Variants in PTPRN2 observed in about 807,000 individuals in gnomAD.
The protein encoded by PTPRN2 is protein tyrosine phosphatase receptor type N2.
A neutral mutation model predicts 118.8 loss-of-function variants in PTPRN2; 74 were observed. That is an observed-to-expected ratio of 0.62 (90% CI 0.52 to 0.76). PTPRN2 has a LOEUF of 0.76. Ranked by LOEUF, PTPRN2 falls within the 30% of genes least tolerant of loss-of-function variation. The pLI is 0.00. For missense variants in PTPRN2, 1,481 were observed against 1,394.4 expected, an observed-to-expected ratio of 1.06 and a Z score of -0.99; for synonymous variants, 641 against 608.0, an observed-to-expected ratio of 1.05 and a Z score of -0.80.
chr7:158,573,564 C>T (rs571842261), intron 1 of PTPRN2, among the ~76,000 whole-genome samples: 13 of 152,120 alleles, frequency 8.5e-5, no homozygotes, highest in Non-Finnish European at 1.6e-4. Flanking sequence ...CAACCAAGAG[C>T]TCGGGTCTCT....
intron 12 of PTPRN2, among the ~76,000 whole-genome samples, chr7:157,707,811 G>T (rs528055991): frequency 8.1e-4 from 123 of 152,352 alleles, no homozygotes; most frequent in African/African-American, 2.9e-3. Context: ...TGTTAGCCAG[G>T]ATGGTCTTGA....
chr7:158,133,052 C>T (rs1428480146), intron 9 of PTPRN2, among the ~76,000 whole-genome samples: 3 of 152,202 alleles, frequency 2.0e-5, no homozygotes, highest in South Asian at 2.1e-4. Context: ...TTGCTGGGCC[C>T]GTGATGTCTG....
At chr7:158,169,089 C>A (rs1823289158) in intron 5 of PTPRN2, among the ~76,000 whole-genome samples, 1 of 152,164 alleles carries the variant, frequency 6.6e-6, no homozygotes, top group Non-Finnish European at 1.5e-5. Context: ...TCGGCACTAG[C>A]TAAGGGTGTG....
chr7:158,168,779 A>C (rs1823260953), intron 5 of PTPRN2, among the ~76,000 whole-genome samples: 1 of 152,210 alleles, frequency 6.6e-6, no homozygotes, highest in East Asian at 1.9e-4. Context: ...ACATGTCCTC[A>C]TCACACTTTG....
rs150164607 is a variant in PTPRN2, at chr7:157,946,921, G to A, written c.1724-48184C>T. Among the ~76,000 whole-genome samples, 753 of 152,274 alleles carry A rather than the reference G, an allele frequency of 4.9e-3. 6 individuals carry two copies. The highest frequency in any genetic ancestry group is 0.014 in the African/African-American group (598 of 41,550). ...AGGCATGTGGGATGTGCCTTGAATC[G>A]TCTGAGGGTCAAAGAATCAGGGGTC... On this transcript the variant is annotated intron_variant, in intron 11 of 22. Coordinates refer to ENST00000389418, the MANE Select transcript of PTPRN2 (RefSeq NM_002847.5).
At chr7:158,086,151 G>A (rs1296474538) in intron 10 of PTPRN2, among the ~76,000 whole-genome samples, 1 of 152,178 alleles carries the variant, frequency 6.6e-6, no homozygotes, top group African/African-American at 2.4e-5. Flanking sequence ...TTACAGACCT[G>A]CTTAGAAATT....
intron 12 of PTPRN2, among the ~76,000 whole-genome samples, chr7:157,752,567 C>T (rs1184062632): frequency 6.6e-6 from 1 of 152,206 alleles, no homozygotes; most frequent in African/African-American, 2.4e-5. Flanking sequence ...CAGCTGGCTT[C>T]TTCACCCGAA....
intron 9 of PTPRN2, among the ~76,000 whole-genome samples, chr7:158,131,680 ACACACACT>A (rs1263592444): frequency 1.4e-5 from 2 of 144,248 alleles, no homozygotes; most frequent in South Asian, 4.3e-4. Context: ...CATCTACCCG[ACACACACT>A]CATACACACA....
At chr7:157,740,700 C>T (rs1307137235) in intron 12 of PTPRN2, among the ~76,000 whole-genome samples, 1 of 152,130 alleles carries the variant, frequency 6.6e-6, no homozygotes, top group East Asian at 1.9e-4. Context: ...TTCTTTTAAA[C>T]AATCCACGAG....
intron 12 of PTPRN2, among the ~76,000 whole-genome samples, chr7:157,761,068 ACTACAAACCACTG>A (rs1342746105): frequency 2.0e-5 from 3 of 151,156 alleles, no homozygotes; most frequent in African/African-American, 4.9e-5. Context: ...TTCAAGGAGA[ACTACAAACCACTG>A]CTCAAGGAAA....
At chr7:158,256,304 G>A (rs868841379) in intron 3 of PTPRN2, among the ~76,000 whole-genome samples, 5 of 151,950 alleles carry the variant, frequency 3.3e-5, no homozygotes, top group African/African-American at 7.2e-5. Context: ...GAAAGTGGAC[G>A]TGGCAGGGAC....
rs111865706 is a variant in PTPRN2 at position 158,232,805 on chromosome 7, T to C, written c.278-27532A>G. Among the ~76,000 whole-genome samples, 193 of 152,268 alleles carry C rather than the reference T, an allele frequency of 1.3e-3. 1 individual carries two copies. Among genetic ancestry groups the C allele is most frequent in the African/African-American group, 4.4e-3 (181 of 41,566 alleles). On this transcript the variant is annotated intron_variant, in intron 3 of 22. Coordinates refer to ENST00000389418, the MANE Select transcript of PTPRN2 (RefSeq NM_002847.5). ...ATATCAATAAACATAATACATCACA[T>C]TAACAGAATTAAGAACAAAACTACA...
intron 12 of PTPRN2, among the ~76,000 whole-genome samples, chr7:157,851,519 T>A (rs1305541269): frequency 6.7e-6 from 1 of 149,558 alleles, no homozygotes; most frequent in East Asian, 1.9e-4. Flanking sequence ...CAGTCCAGCG[T>A]CCCTATCCGC....
At chr7:157,982,896 G>C (rs531932521) in intron 11 of PTPRN2, among the ~76,000 whole-genome samples, 1 of 140,644 alleles carries the variant, frequency 7.1e-6, no homozygotes, top group Non-Finnish European at 1.5e-5. Flanking sequence ...CCGAGTCACA[G>C]AGATGAGGAG....
chr7:158,075,150 G>A (rs1812244715), intron 11 of PTPRN2, among the ~76,000 whole-genome samples: 1 of 152,192 alleles, frequency 6.6e-6, no homozygotes, highest in African/African-American at 2.4e-5. Context: ...CAGGTCCTGG[G>A]TGCTGCCAGC....
At chr7:158,293,956 TG>T (rs1800291209) in intron 3 of PTPRN2, among the ~76,000 whole-genome samples, 1 of 152,222 alleles carries the variant, frequency 6.6e-6, no homozygotes, top group African/African-American at 2.4e-5. Flanking sequence ...CCTGAGTCTG[TG>T]TGAGTGTTAG....
chr7:157,982,233 A>G (rs1563296080), intron 11 of PTPRN2, among the ~76,000 whole-genome samples: 1 of 139,684 alleles, frequency 7.2e-6, no homozygotes, highest in African/African-American at 2.7e-5. Flanking sequence ...AGGGGAATGC[A>G]GAGTGCGGGG....
At chr7:158,102,686 A>G (rs1246824861) in intron 10 of PTPRN2, among the ~76,000 whole-genome samples, 1 of 152,094 alleles carries the variant, frequency 6.6e-6, no homozygotes, top group African/African-American at 2.4e-5. Flanking sequence ...CGGGTGTTGG[A>G]GGGATGAGGC....
At chr7:157,766,353 T>TCATA (rs1563085774) in intron 12 of PTPRN2, among the ~76,000 whole-genome samples, 3 of 150,520 alleles carry the variant, frequency 2.0e-5, no homozygotes, top group African/African-American at 7.4e-5. Context: ...CCATCCATCA[T>TCATA]CCATCTACCC....
Sources: gnomAD v4.1 joint callset for allele counts (sites outside exome capture counted in the v4.1 genomes callset) on GRCh38, gnomAD v4.1.1 for gene constraint, MANE v1.5 for transcripts, NCBI Gene and HGNC (gene_info 2026-07-23, HGNC 2026-07-21) for gene names.